HID1: variants seen among roughly 807,000 people sequenced by gnomAD.
HID1 encodes protein HID1.
A neutral mutation model predicts 89.7 loss-of-function variants in HID1; 42 were observed. The ratio of observed to expected loss-of-function variants is 0.47; its 90% confidence interval spans 0.37 to 0.61. The LOEUF is 0.61. Among genes scored for constraint, HID1 ranks in the 20% least tolerant of loss-of-function variants. The pLI is 0.00. For missense variants in HID1, 854 were observed against 1,039.3 expected (o/e 0.82, Z 2.45); for synonymous variants, 442 against 433.8 (o/e 1.02, Z -0.24).
At chr17:74,960,531 C>T (rs375566343) in intron 6 of HID1, among the ~76,000 whole-genome samples, 2 of 152,226 alleles carry the variant, frequency 1.3e-5, no homozygotes, top group East Asian at 1.9e-4. Context: ...AGAGCCCACG[C>T]TCAGCCAACC....
intron 12 of HID1, among the ~76,000 whole-genome samples, chr17:74,956,422 AC>A (rs2039391505): frequency 6.6e-6 from 1 of 152,072 alleles, no homozygotes; most frequent in Non-Finnish European, 1.5e-5. Context: ...TTGGGACCCA[AC>A]CCTGGGGGCA....
In HID1 at chr17:74,959,992, C is replaced by T; in HGVS notation, c.951+34G>A. ...GGCGTCCTCCCCACAACCCGTGGCCCCGGCAGCTGTCCCTTCCATGCTCCC... is the reference window on the plus strand; with the variant it reads ...GGCGTCCTCCCCACAACCCGTGGCCTCGGCAGCTGTCCCTTCCATGCTCCC... On this transcript the variant is annotated intron_variant, in intron 7 of 18. Coordinates refer to ENST00000425042, the MANE Select transcript of HID1 (RefSeq NM_030630.3). The surrounding 1 kb of genome is among the most constrained non-coding windows in gnomAD (Gnocchi z 4.6). 6.2e-7 allele frequency: 1 copy of T among 1,613,256 alleles called. No homozygotes were observed.
chr17:74,971,095 A>C (rs2039639781), intron 1 of HID1, among the ~76,000 whole-genome samples: 1 of 152,180 alleles, frequency 6.6e-6, no homozygotes, highest in Non-Finnish European at 1.5e-5. Flanking sequence ...AGCAGGTAGG[A>C]ATCTAGGCCA....
chr17:74,968,476 C>T (rs931406725), intron 1 of HID1, among the ~76,000 whole-genome samples: 2 of 152,212 alleles, frequency 1.3e-5, no homozygotes, highest in Non-Finnish European at 2.9e-5. Flanking sequence ...CAAACACCCC[C>T]ACCCCACCCC....
At chr17:74,954,100 C>T (rs376715615) in intron 14 of HID1, 38 bp downstream of exon 14, 3 of 1,535,826 alleles carry the variant, frequency 2.0e-6, no homozygotes, top group East Asian at 2.3e-5. Context: ...CCAGCCACAC[C>T]AGTATCCACA....
chr17:74,958,334 A>C lies in HID1; in HGVS notation c.1385T>G (p.Leu462Arg). 4 of 1,613,186 alleles carry C rather than the reference A, an allele frequency of 2.5e-6. No homozygotes were observed. Among genetic ancestry groups the C allele is most frequent in the Non-Finnish European group, 3.4e-6 (4 of 1,179,686 alleles). Reference sequence around the variant, plus strand: ...CCGCACGAGCCCCCTCACCACAATGAGCAGGTCGGCGTGGGTCCCTGTGAA... The same window carrying C: ...CCGCACGAGCCCCCTCACCACAATGCGCAGGTCGGCGTGGGTCCCTGTGAA... Reference protein sequence around the residue: ...PVFTGTHADLLIVVFHKIITS... With the variant: ...PVFTGTHADLRIVVFHKIITS... The change falls in exon 11 of 19, where the codon CTC (leucine) becomes CGC (arginine). Residue 462 changes from leucine to arginine, a missense_variant. Leu to Arg is a moderately radical substitution (Grantham distance 102). Coordinates refer to ENST00000425042, the MANE Select transcript of HID1 (RefSeq NM_030630.3). The surrounding 1 kb of genome is among the most constrained non-coding windows in gnomAD (Gnocchi z 5.2).
Position 74,953,536 on chromosome 17 carries a change from G to T in HID1, c.1971+9C>A. 1 of 1,611,922 alleles carries T rather than the reference G, an allele frequency of 6.2e-7. No individual in the cohort carries two copies. The highest frequency in any genetic ancestry group is 8.5e-7 in the Non-Finnish European group (1 of 1,178,246). ...GCCACGCCCGGCTCCAGGAGTCCCC[G>T]TCACCCACCCCCTTAGCCGGGCTGC... On this transcript the variant is annotated intron_variant, in intron 15 of 18. Transcript: ENST00000425042.
chr17:74,959,142 A>G lies in HID1; in HGVS notation c.1009-91T>C. 7.5e-7 allele frequency: 1 copy of G among 1,327,940 alleles called. No homozygotes were observed. The highest frequency in any genetic ancestry group is 9.8e-7 in the Non-Finnish European group (1 of 1,023,524). 82.3% of individuals were successfully genotyped at this position (1,327,940 alleles called of 1,614,324 possible). A position where few individuals can be genotyped will look rare whatever the true frequency, so the allele number is the denominator to read the frequency against. On this transcript the variant is annotated intron_variant, in intron 8 of 18. Transcript: ENST00000425042. This position sits in a 1 kb window ranked among gnomAD's most constrained non-coding sequence, Gnocchi z 4.6. ...AGGCCCCCAACAAATCCCCCCCTCC[A>G]TCCCCCAGAGCCAGATCCCACCTCC...
chr17:74,954,456 A>C (rs1017168936), intron 13 of HID1, 91 bp from the exon 14 acceptor site: 13 of 1,537,684 alleles, frequency 8.5e-6, no homozygotes, highest in Non-Finnish European at 1.1e-5. Flanking sequence ...GGGAGTTTGG[A>C]GGACAGGAGG....
Position 74,951,447 on chromosome 17 carries a change from G to C in HID1, c.*123C>G. On this transcript the variant is annotated 3_prime_UTR_variant, in exon 19 of 19. Transcript: ENST00000425042. ...AGGGGTCTCTAGGGCATGACACTCA[G>C]GGCCACTCTGCCTGTTCCAGGCCCT... 1.1e-6 allele frequency: 1 copy of C among 939,362 alleles called. No individual in the cohort carries two copies. The highest frequency in any genetic ancestry group is 1.5e-5 in the South Asian group (1 of 67,248). 58.2% of individuals were successfully genotyped at this position (939,362 alleles called of 1,614,324 possible).
intron 1 of HID1, among the ~76,000 whole-genome samples, chr17:74,969,474 C>T (rs1027507709): frequency 6.6e-6 from 1 of 152,216 alleles, no homozygotes; most frequent in African/African-American, 2.4e-5. Flanking sequence ...GCATGAGCCA[C>T]CGCACCTAGC....
At position 74,950,806 on chromosome 17, in the gene HID1, G is replaced by A. The variant is rs956437654; in HGVS notation, c.*764C>T. On this transcript the variant is annotated 3_prime_UTR_variant, in exon 19 of 19. Transcript: ENST00000425042. ...CAGAGCAAAGATTGTTCTGACACGG[G>A]GGGCTGGGTGGTGGGACCCAGAGGC... 22 of 152,508 alleles carry A rather than the reference G, an allele frequency of 1.4e-4. No homozygotes were observed. The highest frequency in any genetic ancestry group is 5.1e-4 in the African/African-American group (21 of 41,454). The allele number at this position is 152,508 out of a possible 1,614,324, so 9.4% of individuals were successfully genotyped here.
intron 1 of HID1, among the ~76,000 whole-genome samples, chr17:74,965,518 A>T (rs966511727): frequency 6.6e-6 from 1 of 152,148 alleles, no homozygotes; most frequent in Non-Finnish European, 1.5e-5. Flanking sequence ...CCACCCTGCC[A>T]TCTCTTCTCT....
chr17:74,954,254 C>T lies in HID1; in HGVS notation c.1748G>A (p.Arg583Gln), dbSNP rs200566258. 1.2e-5 allele frequency: 19 copies of T among 1,587,718 alleles called. No homozygotes were observed. Among genetic ancestry groups the T allele is most frequent in the East Asian group, 2.3e-5 (1 of 43,810 alleles). ...TIHKALQRRR[R>Q]TPEPLSRTGS... Reference sequence around the variant, plus strand: ...GGTGCGAGACAAGGGCTCAGGTGTCCGCCGGCGCCGCTGCAGGGCCTTGTG... The same window carrying T: ...GGTGCGAGACAAGGGCTCAGGTGTCTGCCGGCGCCGCTGCAGGGCCTTGTG... Residue 583 changes from arginine (R) to glutamine (Q), a missense_variant, in exon 14 of 19, where the codon CGG becomes CAG. Coordinates refer to ENST00000425042, the MANE Select transcript of HID1 (RefSeq NM_030630.3).
chr17:74,958,830 C>T lies in HID1; in HGVS notation c.1150-67G>A. On this transcript the variant is annotated intron_variant, in intron 9 of 18. Coordinates refer to ENST00000425042, the MANE Select transcript of HID1 (RefSeq NM_030630.3). The surrounding 1 kb of genome is among the most constrained non-coding windows in gnomAD (Gnocchi z 5.2). ...AGGGGCAGCTCTGCCCCACCCCCCTCAGTCTGACACTGTCCCTGCCCCCGG... is the reference window on the plus strand; with the variant it reads ...AGGGGCAGCTCTGCCCCACCCCCCTTAGTCTGACACTGTCCCTGCCCCCGG... 1.9e-6 allele frequency: 3 copies of T among 1,590,726 alleles called. No homozygotes were observed. Among genetic ancestry groups the T allele is most frequent in the South Asian group, 1.1e-5 (1 of 88,490 alleles).
In HID1 at chr17:74,951,895, C is replaced by CG. The variant is rs772303288; in HGVS notation, c.2303+9dup. Reference sequence around the variant, plus strand: ...CTCAGGTGGACACCACCCCACTCCCCGGGGCCCACCTCAGATAGATGACGC... The same window carrying CG: ...CTCAGGTGGACACCACCCCACTCCCCGGGGGCCCACCTCAGATAGATGACGC... On this transcript the variant is annotated intron_variant, in intron 18 of 18. Coordinates refer to ENST00000425042, the MANE Select transcript of HID1 (RefSeq NM_030630.3). The CG allele has an allele frequency of 6.6e-6, 10 of 1,507,342 alleles. No individual in the cohort carries two copies. Among genetic ancestry groups the CG allele is most frequent in the Middle Eastern group, 1.9e-4 (1 of 5,306 alleles). The allele number at this position is 1,507,342 out of a possible 1,614,324, so 93.4% of individuals were successfully genotyped here. A position where few individuals can be genotyped will look rare whatever the true frequency, so the allele number is the denominator to read the frequency against.
chr17:74,953,483 C>A, intron 15 of HID1, 62 bp downstream of exon 15: 1 of 1,398,214 alleles, frequency 7.2e-7, no homozygotes, highest in Non-Finnish European at 1.0e-6. Context: ...GCCCCTACTG[C>A]AGAGACCAGG....
chr17:74,972,002 C>T lies in HID1; in HGVS notation c.66+589G>A, dbSNP rs929039229. 5.9e-5 allele frequency among the ~76,000 whole-genome samples: 9 copies of T among 152,132 alleles called. No individual in the cohort carries two copies. Among genetic ancestry groups the T allele is most frequent in the Non-Finnish European group, 2.9e-5 (2 of 68,004 alleles). ...TGCTCAGTAGGCCTGGGGACAGGGC[C>T]CCCCACCAGGCTGCCTCGCTGCCCG... On this transcript the variant is annotated intron_variant, in intron 1 of 18. Coordinates refer to ENST00000425042, the MANE Select transcript of HID1 (RefSeq NM_030630.3). The surrounding 1 kb of genome is among the most constrained non-coding windows in gnomAD (Gnocchi z 6.4).
chr17:74,967,266 C>A (rs186632289), intron 1 of HID1, among the ~76,000 whole-genome samples: 79 of 148,866 alleles, frequency 5.3e-4, no homozygotes, highest in African/African-American at 1.9e-3. Flanking sequence ...ATAGGCCAGG[C>A]GCGGTGGCTC....
Sources: gnomAD v4.1 joint callset for allele counts (sites outside exome capture counted in the v4.1 genomes callset) on GRCh38, gnomAD v4.1.1 for gene constraint, Gnocchi (gnomAD v3.1) non-coding constraint, MANE v1.5 for transcripts, NCBI Gene and HGNC (gene_info 2026-07-23, HGNC 2026-07-21) for gene names.